FER1L5: variants seen among roughly 807,000 people sequenced by gnomAD.
FER1L5 encodes the protein fer-1 like family member 5, also known as fer-1-like protein 5.
A neutral mutation model predicts 279.9 loss-of-function variants in FER1L5; 187 were observed. The observed-to-expected ratio is 0.67, with a 90% confidence interval of 0.59 to 0.75. FER1L5 has a LOEUF of 0.75. FER1L5 is among the 30% of genes least tolerant of loss of function. FER1L5 has a pLI of 0.00. For synonymous variants in FER1L5, 921 were observed against 989.7 expected, an observed-to-expected ratio of 0.93 and a Z score of 1.30; for missense variants, 2,091 against 2,594.4, an observed-to-expected ratio of 0.81 and a Z score of 4.21.
At position 96,664,209 on chromosome 2, in the gene FER1L5, AAGG is replaced by A. The variant is rs570263148; in HGVS notation, c.1140+704_1140+706del. 1.5e-3 allele frequency among the ~76,000 whole-genome samples: 228 copies of A among 151,984 alleles called. 1 individual carries two copies. Among genetic ancestry groups the A allele is most frequent in the African/African-American group, 5.2e-3 (215 of 41,476 alleles). On this transcript the variant is annotated intron_variant, in intron 14 of 52. Transcript: ENST00000624922. ...AGGGGAGGGAAGGAAGGAAGGAAGA[AAGG>A]AAATGTACAATTTGATACATTTTAA... is the stretch of plus-strand genomic sequence containing the variant.
At chr2:96,671,254 G>A (rs1319711591) in intron 18 of FER1L5, among the ~76,000 whole-genome samples, 1 of 152,142 alleles carries the variant, frequency 6.6e-6, no homozygotes, top group Non-Finnish European at 1.5e-5. Context: ...TACTGAGGCA[G>A]GAAGGGGCAG....
chr2:96,697,727 T>C lies in FER1L5; in HGVS notation c.4202T>C (p.Leu1401Pro), dbSNP rs746431911. The C allele has an allele frequency of 4.3e-6, 7 of 1,613,882 alleles. No individual in the cohort carries two copies. In the South Asian group the frequency reaches 6.6e-5, roughly 15 times the overall value. ...TGGGCCACAGATGAGCACAAGTCCC[T>C]GAAGTACAAGTACAAAGACTACCAC... ...LFWATDEHKS[L>P]KYKYKDYHTL... The change falls in exon 39 of 53, where the codon CTG becomes CCG. Residue 1401 changes from leucine to proline, a missense_variant. Coordinates refer to ENST00000624922, the MANE Select transcript of FER1L5 (RefSeq NM_001293083.2).
Position 96,693,974 on chromosome 2 carries a change from C to T in FER1L5, c.3538C>T (p.Arg1180Trp), listed in dbSNP as rs1414498242. The T allele has an allele frequency of 1.2e-5, 19 of 1,551,500 alleles. No homozygotes were observed. Among genetic ancestry groups the T allele is most frequent in the Non-Finnish European group, 1.6e-5 (18 of 1,147,002 alleles). ...PPMVWLDLQD[R>W]ILPPMRWHPL... ...AATGGTCTGGCTGGATCTCCAGGACCGGATCCTGCCCCCCATGAGGTGGCA... is the reference window on the plus strand; with the variant it reads ...AATGGTCTGGCTGGATCTCCAGGACTGGATCCTGCCCCCCATGAGGTGGCA... Residue 1180 changes from arginine (R) to tryptophan (W), a missense_variant, in exon 33 of 53, where the codon CGG becomes TGG. Coordinates refer to ENST00000624922, the MANE Select transcript of FER1L5 (RefSeq NM_001293083.2).
Position 96,689,154 on chromosome 2 carries a change from C to T in FER1L5, c.2362-59C>T. 1 of 1,511,208 alleles carries T rather than the reference C, an allele frequency of 6.6e-7. No individual in the cohort carries two copies. 93.6% of individuals were successfully genotyped at this position (1,511,208 alleles called of 1,614,324 possible). On this transcript the variant is annotated intron_variant, in intron 24 of 52. Transcript: ENST00000624922. This position sits in a 1 kb window ranked among gnomAD's most constrained non-coding sequence, Gnocchi z 4.6. ...AGAGTCAGGGGGCCCAGGGGAGGCC[C>T]ATGTCCCCGCACTTTGTGCTAGAGG... is the stretch of plus-strand genomic sequence containing the variant.
In FER1L5 at chr2:96,704,235, C is replaced by T. The variant is rs775001945; in HGVS notation, c.5822C>T (p.Thr1941Met). ...GACAGACGCACCAACACCTCTTTCA[C>T]GTGGCTGCGGTCACCAGTTCAAAAC... ...HPPLRTNTSFTWLRSPVQNFC... is the reference protein window; with the variant it reads ...HPPLRTNTSFMWLRSPVQNFC... Residue 1941 changes from threonine to methionine, a missense_variant, in exon 52 of 53, where the codon ACG (threonine) becomes ATG (methionine). Coordinates refer to ENST00000624922, the MANE Select transcript of FER1L5 (RefSeq NM_001293083.2). The T allele has an allele frequency of 8.1e-6, 13 of 1,613,872 alleles. No individual in the cohort carries two copies. Among genetic ancestry groups the T allele is most frequent in the East Asian group, 2.2e-5 (1 of 44,904 alleles).
chr2:96,659,366 T>TTCCTTCCTTCCTTCC (rs1573816278), intron 9 of FER1L5, among the ~76,000 whole-genome samples: 4 of 15,548 alleles, frequency 2.6e-4, no homozygotes, highest in Non-Finnish European at 3.2e-4. Context: ...TCCTTCCTTC[T>TTCCTTCCTTCCTTCC]TTCTTTCTTT....
chr2:96,679,366 G>A (rs2076631828), intron 19 of FER1L5, among the ~76,000 whole-genome samples: 1 of 152,122 alleles, frequency 6.6e-6, no homozygotes, highest in Admixed American at 6.5e-5. Context: ...TGAGATTACA[G>A]GCGCGTGTCA....
In FER1L5 at chr2:96,690,447, G is replaced by A; in HGVS notation, c.2641-40G>A. 3.3e-6 allele frequency: 5 copies of A among 1,536,408 alleles called. 1 individual carries two copies. In the South Asian group the frequency reaches 3.6e-5, roughly 11 times the overall value. ...AGGGAGGGAGGGCAGCCTCCTCCCAGCTCATGTGCCCCTCGCTCGCCCTCT... is the reference window on the plus strand; with the variant it reads ...AGGGAGGGAGGGCAGCCTCCTCCCAACTCATGTGCCCCTCGCTCGCCCTCT... On this transcript the variant is annotated intron_variant, in intron 26 of 52. Coordinates refer to ENST00000624922, the MANE Select transcript of FER1L5 (RefSeq NM_001293083.2).
intron 9 of FER1L5, among the ~76,000 whole-genome samples, chr2:96,659,718 C>T (rs1395331975): frequency 6.6e-6 from 1 of 151,592 alleles, no homozygotes; most frequent in Non-Finnish European, 1.5e-5. Flanking sequence ...GTCTCGATCT[C>T]CTGACCTCTT....
chr2:96,664,280 T>C (rs1204423267), intron 14 of FER1L5, among the ~76,000 whole-genome samples: 1 of 152,086 alleles, frequency 6.6e-6, no homozygotes, highest in East Asian at 1.9e-4. Context: ...ATCAACATAA[T>C]GAATATATCT....
At chr2:96,672,303 C>G (rs2076357206) in intron 18 of FER1L5, among the ~76,000 whole-genome samples, 1 of 152,022 alleles carries the variant, frequency 6.6e-6, no homozygotes, top group Non-Finnish European at 1.5e-5. Context: ...GTCTTGATCT[C>G]TTGACCTTGT....
chr2:96,686,167 AGGGCCTG>A, intron 22 of FER1L5, 21 bp from the exon 23 acceptor site: 4 of 1,548,198 alleles, frequency 2.6e-6, no homozygotes, highest in Non-Finnish European at 3.5e-6. Context: ...CCAGCCGCGC[AGGGCCTG>A]ACATTCTCCC....
chr2:96,669,662 C>T (rs1192998478), intron 17 of FER1L5, among the ~76,000 whole-genome samples: 1 of 152,160 alleles, frequency 6.6e-6, no homozygotes. Flanking sequence ...ACTCTCCTTC[C>T]CCCCTGCCTC....
At chr2:96,662,579 A>G (rs1410323332) in intron 13 of FER1L5, among the ~76,000 whole-genome samples, 1 of 152,210 alleles carries the variant, frequency 6.6e-6, no homozygotes, top group Non-Finnish European at 1.5e-5. Context: ...TCTGGGCAAG[A>G]GAGTTGCTGA....
chr2:96,668,796 T>A lies in FER1L5; in HGVS notation c.1184+2T>A. On this transcript the variant is annotated splice_donor_variant, in intron 15 of 52. Transcript: ENST00000624922. LOFTEE classifies it high-confidence loss of function. ...CATCAAGTTCAGAGTCTTGGACTGGTGAGCAACCTGGTGGAGGCTGAAGCA... is the reference window on the plus strand; with the variant it reads ...CATCAAGTTCAGAGTCTTGGACTGGAGAGCAACCTGGTGGAGGCTGAAGCA... 1 of 1,551,590 alleles carries A rather than the reference T, an allele frequency of 6.4e-7. No homozygotes were observed.
In FER1L5 at chr2:96,661,616, T is replaced by C. The variant is rs2075957077; in HGVS notation, c.895-52T>C. The C allele has an allele frequency of 1.9e-6, 3 of 1,549,672 alleles. No homozygotes were observed. The East Asian group carries it at 7.3e-5, about 38-fold the overall frequency. On this transcript the variant is annotated intron_variant, in intron 11 of 52. Coordinates refer to ENST00000624922, the MANE Select transcript of FER1L5 (RefSeq NM_001293083.2). ...TTGGAGAAGCAAAGTCTGGTGTCCT[T>C]GCCTGTGACCTCCCCATTACCTTGA...
rs1183679262 is a variant in FER1L5 at position 96,699,084 on chromosome 2, C to T, written c.4558C>T (p.Leu1520Phe). Residue 1520 changes from leucine (L) to phenylalanine (F), a missense_variant, in exon 42 of 53, where the codon CTT becomes TTT. Leu to Phe is a conservative substitution (Grantham distance 22). Transcript: ENST00000624922. Reference sequence around the variant, plus strand: ...GATCCTGAAACTGGGCAAGACAGAGCTTGGCAACCGGGACATGTACCAGCC... The same window carrying T: ...GATCCTGAAACTGGGCAAGACAGAGTTTGGCAACCGGGACATGTACCAGCC... ...YVILKLGKTE[L>F]GNRDMYQPNT... 1 of 1,612,196 alleles carries T rather than the reference C, an allele frequency of 6.2e-7. No individual in the cohort carries two copies. The highest frequency in any genetic ancestry group is 8.5e-7 in the Non-Finnish European group (1 of 1,179,202).
rs2075397484 is a variant in FER1L5 at position 96,651,900 on chromosome 2, G to C, written c.513G>C (p.Val171=). 3.9e-6 allele frequency: 6 copies of C among 1,552,098 alleles called. No individual in the cohort carries two copies. The highest frequency in any genetic ancestry group is 4.4e-6 in the Non-Finnish European group (5 of 1,147,074). Residue 171 remains valine (V), a synonymous_variant, in exon 7 of 53, where the codon GTG becomes GTC. Coordinates refer to ENST00000624922, the MANE Select transcript of FER1L5 (RefSeq NM_001293083.2). The stretch of plus-strand genomic sequence containing the variant: ...ATGTGTTCCGCCCTTAGGTTCGAGT[G>C]AAGGTGTTTGAAGCCCGACAGCTCA... ...SSKPQHFQVR[V]KVFEARQLMG...
At chr2:96,696,462 T>G (rs2077383281) in intron 37 of FER1L5, among the ~76,000 whole-genome samples, 1 of 152,116 alleles carries the variant, frequency 6.6e-6, no homozygotes, top group African/African-American at 2.4e-5. Flanking sequence ...ACGGCTAATT[T>G]TTTGTATTTT....
Sources: gnomAD v4.1 joint callset for allele counts (sites outside exome capture counted in the v4.1 genomes callset) on GRCh38, gnomAD v4.1.1 for gene constraint, Gnocchi (gnomAD v3.1) non-coding constraint, MANE v1.5 for transcripts, NCBI Gene and HGNC (gene_info 2026-07-23, HGNC 2026-07-21) for gene names.